The following EVI5 variants were observed in gnomAD, a reference collection of about 807,000 sequenced individuals.
EVI5 encodes the protein ecotropic viral integration site 5 protein homolog.
Under a neutral mutation model 112.0 loss-of-function variants are expected in EVI5, and 73 were observed. The ratio of observed to expected loss-of-function variants is 0.65; its 90% confidence interval spans 0.54 to 0.79. The LOEUF (loss-of-function observed/expected upper bound fraction) is 0.79. Ranked by LOEUF, EVI5 falls within the 30% of genes least tolerant of loss-of-function variation. EVI5 has a pLI of 0.00. For missense variants in EVI5, 900 were observed against 968.8 expected (o/e 0.93, Z 0.94); for synonymous variants, 305 against 319.9 (o/e 0.95, Z 0.50).
At position 92,736,421 on chromosome 1, in the gene EVI5, C is replaced by T; in HGVS notation, c.126G>A (p.Leu42=). The T allele has an allele frequency of 1.2e-6, 2 of 1,612,472 alleles. No individual in the cohort carries two copies. The change falls in exon 2 of 20, where the codon CTG becomes CTA. Residue 42 remains leucine (L), a synonymous_variant. Transcript: ENST00000684568. ...ACCTATTCTGTTCTTCCAGTTTAGC[C>T]AGGAGTTCTAAGTCGTCTGGACTCA... ...SQLSPDDLEL[L]AKLEEQNRLL... is the part of the protein sequence containing the mutation.
chr1:92,631,858 G>A (rs948911261), intron 14 of EVI5, among the ~76,000 whole-genome samples: 4 of 152,078 alleles, frequency 2.6e-5, no homozygotes, highest in Admixed American at 6.6e-5. Context: ...ACGTCCCATT[G>A]ATACCTAATT....
At chr1:92,668,634 T>G (rs1174627536) in intron 10 of EVI5, among the ~76,000 whole-genome samples, 4 of 152,198 alleles carry the variant, frequency 2.6e-5, no homozygotes, top group Non-Finnish European at 4.4e-5. Flanking sequence ...AAAATCTAAA[T>G]TGATTTTCTC....
At chr1:92,586,137 T>A (rs1672739300) in intron 18 of EVI5, among the ~76,000 whole-genome samples, 1 of 152,218 alleles carries the variant, frequency 6.6e-6, no homozygotes, top group African/African-American at 2.4e-5. Flanking sequence ...GGGTATGTAC[T>A]ATCAGTGTAA....
intron 2 of EVI5, among the ~76,000 whole-genome samples, chr1:92,717,004 C>T (rs1164545765): frequency 2.0e-5 from 3 of 151,678 alleles, no homozygotes; most frequent in Non-Finnish European, 4.4e-5. Context: ...GGAGGATGTT[C>T]GAACCCATCA....
At chr1:92,557,859 G>GGACT (rs1346476466) in intron 19 of EVI5, among the ~76,000 whole-genome samples, 17 of 151,302 alleles carry the variant, frequency 1.1e-4, no homozygotes, top group Admixed American at 2.6e-4. Flanking sequence ...CAAGTAGCTG[G>GGACT]GACTACAGGC....
intron 19 of EVI5, among the ~76,000 whole-genome samples, chr1:92,522,451 C>T (rs776624444): frequency 1.8e-4 from 27 of 151,932 alleles, no homozygotes; most frequent in Non-Finnish European, 3.4e-4. Context: ...GCCTGGCCAA[C>T]ATGGTGAAAC....
In EVI5 at chr1:92,772,131, C is replaced by T. The variant is rs187991613; in HGVS notation, c.-82+12705G>A. On this transcript the variant is annotated intron_variant, in intron 1 of 19. Transcript: ENST00000684568. ...CCTCCCAAAGTGCTGGAATTACAGGCGTGAGCCACCACACCCGGCCTGCCC... is the reference window on the plus strand; with the variant it reads ...CCTCCCAAAGTGCTGGAATTACAGGTGTGAGCCACCACACCCGGCCTGCCC... Among the ~76,000 whole-genome samples the T allele has an allele frequency of 3.8e-3, 582 of 151,524 alleles. 3 individuals are homozygous for T. Among genetic ancestry groups the T allele is most frequent in the African/African-American group, 0.013 (543 of 41,416 alleles).
intron 18 of EVI5, among the ~76,000 whole-genome samples, chr1:92,586,495 A>G (rs1571715269): frequency 6.6e-6 from 1 of 151,488 alleles, no homozygotes; most frequent in African/African-American, 2.4e-5. Context: ...TAATACTTCA[A>G]AATTTTTTTT....
At chr1:92,577,462 T>C (rs1339695578) in intron 18 of EVI5, among the ~76,000 whole-genome samples, 4 of 152,184 alleles carry the variant, frequency 2.6e-5, no homozygotes, top group Admixed American at 2.6e-4. Context: ...GTAGCATCAG[T>C]AGGGCGGGCC....
At chr1:92,661,283 A>T (rs1258476674) in intron 13 of EVI5, among the ~76,000 whole-genome samples, 1 of 152,120 alleles carries the variant, frequency 6.6e-6, no homozygotes, top group Non-Finnish European at 1.5e-5. Flanking sequence ...ACAATGAGCA[A>T]CAGATGTTCA....
At position 92,779,512 on chromosome 1, in the gene EVI5, C is replaced by T. The variant is rs373079257; in HGVS notation, c.-82+5324G>A. Among the ~76,000 whole-genome samples the T allele has an allele frequency of 7.1e-4, 105 of 148,588 alleles. 1 individual carries two copies. The highest frequency in any genetic ancestry group is 2.5e-3 in the African/African-American group (103 of 40,576). On this transcript the variant is annotated intron_variant, in intron 1 of 19. Transcript: ENST00000684568. ...ACTCTAGCCTGGGTGGCTGAGACTC[C>T]GTCTCAAAAAAAAAAAAAGAAAGGC... is the stretch of plus-strand genomic sequence containing the variant.
intron 9 of EVI5, among the ~76,000 whole-genome samples, chr1:92,677,744 T>G (rs1031244640): frequency 6.6e-6 from 1 of 152,192 alleles, no homozygotes; most frequent in Middle Eastern, 3.2e-3. Flanking sequence ...TAATGGATGC[T>G]AAAATTAGTG....
intron 19 of EVI5, among the ~76,000 whole-genome samples, chr1:92,518,190 GA>G (rs1660276282): frequency 1.3e-5 from 2 of 152,134 alleles, no homozygotes; most frequent in African/African-American, 4.8e-5. Flanking sequence ...GAACCATCAT[GA>G]CTGGCAAAGC....
chr1:92,606,163 T>C (rs1415852854), intron 17 of EVI5, among the ~76,000 whole-genome samples: 1 of 152,232 alleles, frequency 6.6e-6, no homozygotes, highest in Non-Finnish European at 1.5e-5. Flanking sequence ...TAAAATCCCA[T>C]ATTAGTTCAT....
intron 16 of EVI5, among the ~76,000 whole-genome samples, chr1:92,614,045 C>T (rs1652486118): frequency 6.6e-6 from 1 of 152,164 alleles, no homozygotes; most frequent in South Asian, 2.1e-4. Flanking sequence ...GCAAACAGCT[C>T]CTACTCTAAA....
intron 1 of EVI5, among the ~76,000 whole-genome samples, chr1:92,745,319 T>C (rs12746893): frequency 0.2 from 29,939 of 152,032 alleles, 3,495 homozygotes; most frequent in Non-Finnish European, 0.26. Context: ...GGTGTTTGTG[T>C]GCTCTGTGTC....
chr1:92,627,796 C>CT (rs959192128), intron 14 of EVI5, among the ~76,000 whole-genome samples: 78 of 146,440 alleles, frequency 5.3e-4, no homozygotes, highest in African/African-American at 6.7e-4. Flanking sequence ...AGTATTTTTT[C>CT]TTTTTTTTTT....
At chr1:92,579,184 G>A (rs377219904) in intron 18 of EVI5, among the ~76,000 whole-genome samples, 42 of 152,264 alleles carry the variant, frequency 2.8e-4, no homozygotes, top group African/African-American at 8.4e-4. Flanking sequence ...AAAGTTTCTC[G>A]TGTATCTTCT....
At chr1:92,625,089 T>C (rs1202255145) in intron 15 of EVI5, among the ~76,000 whole-genome samples, 1 of 152,196 alleles carries the variant, frequency 6.6e-6, no homozygotes, top group Non-Finnish European at 1.5e-5. Context: ...TTTCATATTA[T>C]CTTCAATGAA....
Sources: allele counts gnomAD v4.1 joint callset (sites outside exome capture counted in the v4.1 genomes callset), GRCh38; gene constraint gnomAD v4.1.1; transcripts MANE v1.5; gene names NCBI Gene and HGNC (gene_info 2026-07-23, HGNC 2026-07-21).